MAN2B2: variants seen among roughly 807,000 people sequenced by gnomAD.
The protein encoded by MAN2B2 is epididymis-specific alpha-mannosidase.
Under a neutral mutation model 117.1 loss-of-function variants are expected in MAN2B2, and 106 were observed. The ratio of observed to expected loss-of-function variants is 0.90; its 90% CI spans 0.77 to 1.06. The LOEUF is 1.06. Ranked by LOEUF, MAN2B2 falls within the 50% of genes least tolerant of loss-of-function variation. MAN2B2 has a pLI of 0.00. For synonymous variants in MAN2B2, 544 were observed against 595.1 expected (o/e 0.91, Z 1.25); for missense variants, 1,326 against 1,381.4 (o/e 0.96, Z 0.64).
intron 3 of MAN2B2, among the ~76,000 whole-genome samples, chr4:6,579,034 TACC>T (rs1553911318): frequency 3.0e-5 from 1 of 33,722 alleles, no homozygotes; most frequent in African/African-American, 1.3e-4. Flanking sequence ...CCATCACCAC[TACC>T]ACCATCACCA....
At chr4:6,595,525 TC>T (rs1397011949) in intron 7 of MAN2B2, among the ~76,000 whole-genome samples, 1 of 152,192 alleles carries the variant, frequency 6.6e-6, no homozygotes, top group Non-Finnish European at 1.5e-5. Context: ...GGGCCTTCTT[TC>T]TGCATCACCC....
chr4:6,576,455 G>A (rs1726062874), intron 1 of MAN2B2, 123 bp from the exon 2 acceptor site: 2 of 1,144,092 alleles, frequency 1.7e-6, no homozygotes, highest in Non-Finnish European at 2.5e-6. Context: ...TGTGGGGGGT[G>A]AGCAGCAGGG....
intron 17 of MAN2B2, chr4:6,618,465 TCCC>T (rs1490582417): frequency 6.6e-6 from 1 of 152,128 alleles, no homozygotes. Flanking sequence ...GGCCTCAGTT[TCCC>T]CCCATGTAAA....
chr4:6,589,135 C>T lies in MAN2B2; in HGVS notation c.655C>T (p.Pro219Ser), dbSNP rs766257437. The stretch of plus-strand genomic sequence containing the variant: ...CATGGACCAGTACAGCTACTGCACC[C>T]CGTCCCACATCCCTTTCTCCAACAG... ...HIMDQYSYCTPSHIPFSNRSG... is the reference protein window; with the variant it reads ...HIMDQYSYCTSSHIPFSNRSG... The change falls in exon 5 of 19, where the codon CCG (proline) becomes TCG (serine). Residue 219 changes from proline (P) to serine (S), a missense_variant. Coordinates refer to ENST00000285599, the MANE Select transcript of MAN2B2 (RefSeq NM_015274.3). The T allele has an allele frequency of 3.1e-6, 5 of 1,614,154 alleles. No individual in the cohort carries two copies. In the South Asian group the frequency reaches 5.5e-5, roughly 18 times the overall value.
chr4:6,609,207 C>G lies in MAN2B2; in HGVS notation c.1915C>G (p.Pro639Ala), dbSNP rs1351201536. 13 of 1,614,088 alleles carry G rather than the reference C, an allele frequency of 8.1e-6. No homozygotes were observed. Among genetic ancestry groups the G allele is most frequent in the Non-Finnish European group, 1.0e-5 (12 of 1,180,046 alleles). The change falls in exon 12 of 19, where the codon CCG (proline) becomes GCG (alanine). Residue 639 changes from proline to alanine, a missense_variant. Physicochemically the swap from Pro to Ala is conservative, Grantham distance 27 (BLOSUM62 -1). Coordinates refer to ENST00000285599, the MANE Select transcript of MAN2B2 (RefSeq NM_015274.3). ...CATTTCCGATAACTACCTGTTCACA[C>G]CGGGCAAGGCCGCGGTGCCTGCGTG... ...GPISDNYLFT[P>A]GKAAVPAWEA...
chr4:6,611,330 G>C (rs764151522), intron 15 of MAN2B2, 52 bp downstream of exon 15: 3 of 1,520,122 alleles, frequency 2.0e-6, no homozygotes, highest in South Asian at 2.6e-5. Context: ...GCACCAGCCA[G>C]GCCAGGGCGG....
chr4:6,579,231 TCACCAC>T (rs1560634735), intron 3 of MAN2B2, among the ~76,000 whole-genome samples: 7 of 35,574 alleles, frequency 2.0e-4, no homozygotes, highest in Non-Finnish European at 3.5e-4. Context: ...ACCACCACCA[TCACCAC>T]CACCACCCTT....
At chr4:6,593,485 T>C in intron 6 of MAN2B2, 135 bp downstream of exon 6, 1 of 844,008 alleles carries the variant, frequency 1.2e-6, no homozygotes, top group Non-Finnish European at 1.7e-6. Context: ...TCCATCCTCC[T>C]TCCCTGCAGA....
chr4:6,609,270 G>T lies in MAN2B2; in HGVS notation c.1978G>T (p.Val660Leu), dbSNP rs929572692. The change falls in exon 12 of 19, where the codon GTG becomes TTG. Residue 660 changes from valine to leucine, a missense_variant. Physicochemically the swap from Val to Leu is conservative, Grantham distance 32 (BLOSUM62 1). Transcript: ENST00000285599. ...AATGGAGATTGTGGCGGGACAGCTT[G>T]TGACTGAGATCCGGCAGTACTTCTA... is the stretch of plus-strand genomic sequence containing the variant. ...VEMEIVAGQL[V>L]TEIRQYFYRN... 1 of 1,613,968 alleles carries T rather than the reference G, an allele frequency of 6.2e-7. No homozygotes were observed. Among genetic ancestry groups the T allele is most frequent in the African/African-American group, 1.3e-5 (1 of 74,944 alleles).
chr4:6,608,284 C>A (rs1727624932), intron 11 of MAN2B2, among the ~76,000 whole-genome samples: 1 of 152,146 alleles, frequency 6.6e-6, no homozygotes, highest in Admixed American at 6.5e-5. Context: ...CCTCCTCCAC[C>A]AGCACTCAGT....
chr4:6,597,631 A>G (rs1016269406), intron 8 of MAN2B2, among the ~76,000 whole-genome samples: 1 of 152,174 alleles, frequency 6.6e-6, no homozygotes, highest in African/African-American at 2.4e-5. Context: ...CAGGCACATG[A>G]TTCCCACACC....
At chr4:6,607,367 C>A (rs529437634) in intron 11 of MAN2B2, among the ~76,000 whole-genome samples, 5 of 152,264 alleles carry the variant, frequency 3.3e-5, no homozygotes, top group African/African-American at 1.2e-4. Context: ...CCACCACACC[C>A]AGCTAATTTT....
intron 3 of MAN2B2, among the ~76,000 whole-genome samples, chr4:6,584,314 C>T (rs192067066): frequency 2.8e-4 from 43 of 152,332 alleles, no homozygotes; most frequent in African/African-American, 1.0e-3. Context: ...CATGTCCTTA[C>T]CCTTGTGGTC....
chr4:6,575,352 G>A lies in MAN2B2; in HGVS notation c.138+4G>A, dbSNP rs370943841. 1.5e-4 allele frequency: 236 copies of A among 1,542,216 alleles called. 1 individual carries two copies. In the South Asian group the frequency reaches 2.7e-3, roughly 17 times the overall value. The stretch of plus-strand genomic sequence containing the variant: ...GGGCTGGGTCTACACTGTGCAGGTA[G>A]GTGCCGACCACGCCCCGCGCGCCCC... On this transcript the variant is annotated splice_donor_region_variant and intron_variant, in intron 1 of 18. Coordinates refer to ENST00000285599, the MANE Select transcript of MAN2B2 (RefSeq NM_015274.3).
At chr4:6,576,268 A>G (rs1726057188) in intron 1 of MAN2B2, among the ~76,000 whole-genome samples, 1 of 152,064 alleles carries the variant, frequency 6.6e-6, no homozygotes, top group South Asian at 2.1e-4. Context: ...AGCCCCCCAA[A>G]TTGCACACTC....
intron 16 of MAN2B2, among the ~76,000 whole-genome samples, chr4:6,615,791 C>A (rs1305302126): frequency 6.6e-6 from 1 of 151,586 alleles, no homozygotes; most frequent in Non-Finnish European, 1.5e-5. Flanking sequence ...CAGAGCAAGA[C>A]CCTGTCTCTA....
At chr4:6,585,304 A>G (rs1577274974) in intron 3 of MAN2B2, among the ~76,000 whole-genome samples, 1 of 152,190 alleles carries the variant, frequency 6.6e-6, no homozygotes, top group South Asian at 2.1e-4. Context: ...CAAGTTCATC[A>G]GTGAAAGGCA....
At chr4:6,580,922 G>A (rs575459089) in intron 3 of MAN2B2, among the ~76,000 whole-genome samples, 1 of 152,318 alleles carries the variant, frequency 6.6e-6, no homozygotes, top group African/African-American at 2.4e-5. Context: ...CTGAGGCTGT[G>A]TCGCTCTGGG....
In MAN2B2 at chr4:6,614,272, C is replaced by T. The variant is rs554027996; in HGVS notation, c.2618C>T (p.Pro873Leu). Residue 873 changes from proline (P) to leucine (L), a missense_variant, in exon 16 of 19, where the codon CCG becomes CTG. Physicochemically the swap from Pro to Leu is moderately conservative, Grantham distance 98. Coordinates refer to ENST00000285599, the MANE Select transcript of MAN2B2 (RefSeq NM_015274.3). ...PQQQEAVTLP[P>L]NLHLQILSIP... ...CAGCAAGAGGCCGTGACGCTGCCCC[C>T]GAATCTTCACCTGCAGATCCTGAGC... The T allele has an allele frequency of 4.2e-5, 67 of 1,614,052 alleles. 1 individual carries two copies. Among genetic ancestry groups the T allele is most frequent in the South Asian group, 2.3e-4 (21 of 91,086 alleles).
Sources: allele counts gnomAD v4.1 joint callset (sites outside exome capture counted in the v4.1 genomes callset), GRCh38; gene constraint gnomAD v4.1.1; transcripts MANE v1.5; gene names NCBI Gene and HGNC (gene_info 2026-07-23, HGNC 2026-07-21).